The following ZBTB20 variants were observed in gnomAD, a reference collection of about 807,000 sequenced individuals.
ZBTB20 encodes zinc finger and BTB domain-containing protein 20.
Under a neutral mutation model 56.9 loss-of-function variants are expected in ZBTB20, and 9 were observed. That is an observed-to-expected ratio of 0.16 (90% CI 0.10 to 0.28). The LOEUF (loss-of-function observed/expected upper bound fraction) is 0.28, where lower values mean the gene tolerates loss of function less well. Ranked by LOEUF, ZBTB20 falls within the 10% of genes least tolerant of loss-of-function variation. ZBTB20 has a pLI of 1.00. For missense variants in ZBTB20, 655 were observed against 1,003.0 expected (o/e 0.65, Z 4.69); for synonymous variants, 417 against 420.7 (o/e 0.99, Z 0.11).
At chr3:115,033,434 T>G (rs1226923282) in intron 2 of ZBTB20, among the ~76,000 whole-genome samples, 3 of 151,576 alleles carry the variant, frequency 2.0e-5, no homozygotes, top group African/African-American at 7.2e-5. Flanking sequence ...CTACCAATTA[T>G]TTTTAAAAAG....
intron 7 of ZBTB20, among the ~76,000 whole-genome samples, chr3:114,445,901 A>G (rs1244099585): frequency 6.6e-6 from 1 of 152,164 alleles, no homozygotes; most frequent in Non-Finnish European, 1.5e-5. Flanking sequence ...ATATTGATCA[A>G]TTAACTGACT....
intron 1 of ZBTB20, among the ~76,000 whole-genome samples, chr3:115,097,716 T>C (rs2083432918): frequency 6.6e-6 from 1 of 152,188 alleles, no homozygotes; most frequent in Non-Finnish European, 1.5e-5. Context: ...CATGTGCTGA[T>C]AGGAAGAGCC....
intron 3 of ZBTB20, among the ~76,000 whole-genome samples, chr3:114,970,930 G>T (rs1359619068): frequency 6.6e-6 from 1 of 151,846 alleles, no homozygotes; most frequent in African/African-American, 2.4e-5. Context: ...CAGGAGAATA[G>T]CAAGAACCCG....
intron 2 of ZBTB20, among the ~76,000 whole-genome samples, chr3:115,047,126 A>G (rs1318405272): frequency 6.6e-6 from 1 of 152,154 alleles, no homozygotes; most frequent in Non-Finnish European, 1.5e-5. Context: ...TTTGAGGCTG[A>G]TTTACCAGTT....
intron 4 of ZBTB20, among the ~76,000 whole-genome samples, chr3:114,816,460 G>T (rs2072925960): frequency 6.6e-6 from 1 of 152,032 alleles, no homozygotes; most frequent in Admixed American, 6.6e-5. Context: ...CATTCCACAG[G>T]GACAGGTATT....
At chr3:114,541,317 ACT>A (rs1235251950) in intron 6 of ZBTB20, among the ~76,000 whole-genome samples, 1 of 152,094 alleles carries the variant, frequency 6.6e-6, no homozygotes, top group Non-Finnish European at 1.5e-5. Context: ...TTCTAGTGCT[ACT>A]CTCTGTCATT....
At chr3:114,813,963 G>A (rs569547341) in intron 4 of ZBTB20, among the ~76,000 whole-genome samples, 1 of 151,970 alleles carries the variant, frequency 6.6e-6, no homozygotes, top group South Asian at 2.1e-4. Context: ...CTACAAAGAA[G>A]CATTTCTATA....
chr3:114,747,255 T>C (rs914042109), intron 5 of ZBTB20, among the ~76,000 whole-genome samples: 2 of 151,980 alleles, frequency 1.3e-5, no homozygotes, highest in Admixed American at 6.6e-5. Flanking sequence ...ACAGAAAGGG[T>C]GGAAATAGCC....
At chr3:114,608,934 CATAA>C (rs1403295971) in intron 6 of ZBTB20, among the ~76,000 whole-genome samples, 6 of 152,180 alleles carry the variant, frequency 3.9e-5, no homozygotes, top group African/African-American at 1.4e-4. Flanking sequence ...GTAAACCAAA[CATAA>C]ATAAACAGGA....
intron 2 of ZBTB20, among the ~76,000 whole-genome samples, chr3:115,044,343 G>A (rs1301418645): frequency 6.6e-5 from 10 of 152,158 alleles, no homozygotes; most frequent in Admixed American, 6.5e-4. Context: ...CCATAGAGCT[G>A]ATTTTGATTT....
intron 2 of ZBTB20, among the ~76,000 whole-genome samples, chr3:115,058,443 C>CAG (rs2081893619): frequency 6.6e-6 from 1 of 151,842 alleles, no homozygotes. Flanking sequence ...GAAATATTTT[C>CAG]AGTGGCCAGG....
intron 5 of ZBTB20, among the ~76,000 whole-genome samples, chr3:114,782,568 A>G (rs1318857753): frequency 1.3e-5 from 2 of 152,174 alleles, no homozygotes; most frequent in Non-Finnish European, 2.9e-5. Flanking sequence ...AAATGCATGA[A>G]TATTTGAGTA....
chr3:114,988,511 T>C (rs540008386), intron 2 of ZBTB20, among the ~76,000 whole-genome samples: 4 of 152,198 alleles, frequency 2.6e-5, no homozygotes, highest in African/African-American at 9.6e-5. Flanking sequence ...TGATGGACAT[T>C]TGGGTTGATT....
intron 7 of ZBTB20, among the ~76,000 whole-genome samples, chr3:114,473,885 G>A (rs1160171489): frequency 6.6e-6 from 1 of 152,156 alleles, no homozygotes; most frequent in African/African-American, 2.4e-5. Context: ...CACAGTGTAT[G>A]AGTCCATTTG....
At chr3:114,583,678 C>A (rs955651769) in intron 6 of ZBTB20, among the ~76,000 whole-genome samples, 2 of 152,146 alleles carry the variant, frequency 1.3e-5, no homozygotes, top group Admixed American at 1.3e-4. Context: ...AACTAAGGTT[C>A]CTTACCCTAT....
chr3:114,316,684 A>T lies in ZBTB20; in HGVS notation c.*22321T>A. 2.5e-6 allele frequency: 1 copy of T among 403,970 alleles called. No homozygotes were observed. Among genetic ancestry groups the T allele is most frequent in the Non-Finnish European group, 5.1e-6 (1 of 197,990 alleles). The allele number at this position is 403,970 out of a possible 1,614,324, so 25.0% of individuals were successfully genotyped here. A position where few individuals can be genotyped will look rare whatever the true frequency, so the allele number is the denominator to read the frequency against. On this transcript the variant is annotated 3_prime_UTR_variant, in exon 12 of 12. Coordinates refer to ENST00000675478, the MANE Select transcript of ZBTB20 (RefSeq NM_001348800.3). ...AGCTTTAATTTATTTTTTAAAGTGCATTTTCAATGCAGAAAAACTGTAATC... is the reference window on the plus strand; with the variant it reads ...AGCTTTAATTTATTTTTTAAAGTGCTTTTTCAATGCAGAAAAACTGTAATC...
chr3:115,122,349 T>C (rs2084206805), intron 1 of ZBTB20, among the ~76,000 whole-genome samples: 1 of 152,180 alleles, frequency 6.6e-6, no homozygotes, highest in Non-Finnish European at 1.5e-5. Context: ...CTATTGACTT[T>C]TGATTGCAAG....
chr3:114,360,977 T>C (rs1485153495), intron 10 of ZBTB20, among the ~76,000 whole-genome samples: 1 of 152,306 alleles, frequency 6.6e-6, no homozygotes, highest in East Asian at 1.9e-4. Context: ...ATAAGTAAAG[T>C]AGAAGGCATA....
In ZBTB20 at chr3:114,324,357, C is replaced by A. The variant is rs2078993765; in HGVS notation, c.*14648G>T. The A allele has an allele frequency of 6.6e-6, 1 of 152,126 alleles. No individual in the cohort carries two copies. Among genetic ancestry groups the A allele is most frequent in the Admixed American group, 6.6e-5 (1 of 15,258 alleles). 9.4% of individuals were successfully genotyped at this position (152,126 alleles called of 1,614,324 possible). On this transcript the variant is annotated 3_prime_UTR_variant, in exon 12 of 12. Transcript: ENST00000675478. ...CGGTCCTAAATTTAACAGTGCTGGGCTTTTATTTTTGAATAGTGCAATCAG... is the reference window on the plus strand; with the variant it reads ...CGGTCCTAAATTTAACAGTGCTGGGATTTTATTTTTGAATAGTGCAATCAG...
Sources: gnomAD v4.1 joint callset for allele counts (sites outside exome capture counted in the v4.1 genomes callset) on GRCh38, gnomAD v4.1.1 for gene constraint, MANE v1.5 for transcripts, NCBI Gene and HGNC (gene_info 2026-07-23, HGNC 2026-07-21) for gene names.